Variants in CDK14 observed in about 807,000 individuals in gnomAD.
CDK14 encodes cyclin dependent kinase 14.
A neutral mutation model predicts 60.7 loss-of-function variants in CDK14; 34 were observed. The ratio of observed to expected loss-of-function variants is 0.56; its 90% CI spans 0.43 to 0.75. The LOEUF is 0.75. Ranked by LOEUF, CDK14 falls within the 30% of genes least tolerant of loss-of-function variation. The pLI is 0.00. For missense variants in CDK14, 482 were observed against 564.1 expected, an observed-to-expected ratio of 0.85 and a Z score of 1.47; for synonymous variants, 197 against 203.7, an observed-to-expected ratio of 0.97 and a Z score of 0.28.
Position 91,112,638 on chromosome 7 carries a change from G to A in CDK14, c.1251G>A (p.Glu417=). 3.1e-6 allele frequency: 5 copies of A among 1,613,722 alleles called. No individual in the cohort carries two copies. Among genetic ancestry groups the A allele is most frequent in the Non-Finnish European group, 4.2e-6 (5 of 1,179,844 alleles). The change falls in exon 13 of 15, where the codon GAG becomes GAA. Residue 417 remains glutamate (E), a synonymous_variant. Coordinates refer to ENST00000380050, the MANE Select transcript of CDK14 (RefSeq NM_001287135.2). ...RLSAQAALSH[E]YFSDLPPRLW... is the part of the protein sequence containing the mutation. ...CGGCACAGGCTGCCTTGAGCCACGA[G>A]TATTTTAGTGACCTGCCGCCACGGC...
intron 10 of CDK14, among the ~76,000 whole-genome samples, chr7:91,003,849 G>T (rs1795908629): frequency 6.6e-6 from 1 of 152,160 alleles, no homozygotes; most frequent in South Asian, 2.1e-4. Flanking sequence ...GATTATGGGG[G>T]CAGGCAGTAA....
chr7:90,853,892 A>G (rs1183088357), intron 5 of CDK14, among the ~76,000 whole-genome samples: 1 of 152,178 alleles, frequency 6.6e-6, no homozygotes, highest in Non-Finnish European at 1.5e-5. Flanking sequence ...GAAGCACTGC[A>G]TGATGAGCCT....
At chr7:91,043,662 C>T (rs1228074171) in intron 10 of CDK14, among the ~76,000 whole-genome samples, 18 of 152,176 alleles carry the variant, frequency 1.2e-4, no homozygotes, top group Admixed American at 1.2e-3. Context: ...TGCCTCCTTC[C>T]CCTTCGTCAT....
chr7:91,162,070 A>T (rs995932864), intron 14 of CDK14, among the ~76,000 whole-genome samples: 2 of 152,172 alleles, frequency 1.3e-5, no homozygotes, highest in African/African-American at 4.8e-5. Flanking sequence ...GTTATTTTTT[A>T]AAAACTAAGA....
chr7:91,149,775 A>C (rs932139796), intron 14 of CDK14, among the ~76,000 whole-genome samples: 1 of 152,230 alleles, frequency 6.6e-6, no homozygotes, highest in Non-Finnish European at 1.5e-5. Flanking sequence ...TAACTAGGCC[A>C]TATGGGTGTG....
At chr7:90,999,514 G>C (rs1464120365) in intron 10 of CDK14, among the ~76,000 whole-genome samples, 1 of 151,996 alleles carries the variant, frequency 6.6e-6, no homozygotes. Context: ...ACTTGAACCT[G>C]GGAGGCGGAG....
chr7:90,717,934 C>T (rs1426770398), intron 2 of CDK14, among the ~76,000 whole-genome samples: 1 of 151,644 alleles, frequency 6.6e-6, no homozygotes, highest in Non-Finnish European at 1.5e-5. Flanking sequence ...GACGGAGCTC[C>T]CCCCACCCCA....
chr7:91,125,121 A>C (rs1040231650), intron 14 of CDK14, among the ~76,000 whole-genome samples: 1 of 152,130 alleles, frequency 6.6e-6, no homozygotes, highest in Non-Finnish European at 1.5e-5. Context: ...GACAATGTCG[A>C]GAAGGAAAGG....
Position 90,962,103 on chromosome 7 carries a change from T to C in CDK14, c.947+6286T>C, listed in dbSNP as rs542435104. Among the ~76,000 whole-genome samples the C allele has an allele frequency of 2.6e-5, 4 of 152,356 alleles. No individual in the cohort carries two copies. The South Asian group carries it at 8.3e-4, about 32-fold the overall frequency. ...TAAGTACAGTTCTCTCATATTAGGT[T>C]ATTGTGGCATTTTAGAGTGGCTACT... is the stretch of plus-strand genomic sequence containing the variant. On this transcript the variant is annotated intron_variant, in intron 9 of 14. Coordinates refer to ENST00000380050, the MANE Select transcript of CDK14 (RefSeq NM_001287135.2).
Position 90,668,699 on chromosome 7 carries a change from C to CTTTTTTTTTTTTTT in CDK14, c.124-57854_124-57841dup, listed in dbSNP as rs59773768. ...TATGGTGTAAGGAAGGACTCGCATT[C>CTTTTTTTTTTTTTT]TTTTTTTTTTTTTTTTTTTTTTTTT... On this transcript the variant is annotated intron_variant, in intron 2 of 14. Transcript: ENST00000380050. 1.8e-4 allele frequency among the ~76,000 whole-genome samples: 16 copies of CTTTTTTTTTTTTTT among 87,536 alleles called. 4 individuals are homozygous for CTTTTTTTTTTTTTT. The highest frequency in any genetic ancestry group is 3.5e-4 in the African/African-American group (8 of 23,108). 57.4% of individuals were successfully genotyped at this position (87,536 alleles called of 152,430 possible).
At chr7:90,789,706 C>T (rs931447017) in intron 4 of CDK14, among the ~76,000 whole-genome samples, 2 of 152,042 alleles carry the variant, frequency 1.3e-5, no homozygotes, top group Non-Finnish European at 2.9e-5. Flanking sequence ...GATCCTGGAA[C>T]CAATCCACTG....
chr7:90,811,982 G>A, intron 5 of CDK14, among the ~76,000 whole-genome samples: 1 of 152,194 alleles, frequency 6.6e-6, no homozygotes, highest in Non-Finnish European at 1.5e-5. Context: ...TGCTGGAGAG[G>A]ATGTGGAGAA....
chr7:91,130,809 A>G (rs1309890184), intron 14 of CDK14, among the ~76,000 whole-genome samples: 1 of 152,152 alleles, frequency 6.6e-6, no homozygotes, highest in Admixed American at 6.6e-5. Flanking sequence ...TTTTATATGC[A>G]TCAAGTTTGA....
rs912757595 is a variant in CDK14 at position 90,710,488 on chromosome 7, C to G, written c.124-16079C>G. On this transcript the variant is annotated intron_variant, in intron 2 of 14. Transcript: ENST00000380050. ...ATATATTAGAGACCTGGGGCTTCCT[C>G]CCTGCTCATCCTATTTCCTTCCTTT... 2.6e-5 allele frequency: 26 copies of G among 985,126 alleles called. 1 individual carries two copies. In the South Asian group the frequency reaches 9.9e-4, roughly 37 times the overall value. 61.0% of individuals were successfully genotyped at this position (985,126 alleles called of 1,614,324 possible). A position where few individuals can be genotyped will look rare whatever the true frequency, so the allele number is the denominator to read the frequency against.
chr7:90,941,425 A>G (rs1048026802), intron 8 of CDK14, among the ~76,000 whole-genome samples: 1 of 151,824 alleles, frequency 6.6e-6, no homozygotes, highest in Admixed American at 6.6e-5. Context: ...GCTCCTCAAC[A>G]TGGGCCCTGG....
chr7:91,037,518 A>G (rs1796968132), intron 10 of CDK14, among the ~76,000 whole-genome samples: 1 of 152,150 alleles, frequency 6.6e-6, no homozygotes, highest in Non-Finnish European at 1.5e-5. Context: ...GGTCAGGTGG[A>G]TATGAATTGT....
chr7:91,083,985 A>C (rs1798555898), intron 12 of CDK14, among the ~76,000 whole-genome samples: 2 of 152,220 alleles, frequency 1.3e-5, no homozygotes, highest in Non-Finnish European at 2.9e-5. Context: ...GTTGTGATGG[A>C]ACTAACAGTT....
intron 14 of CDK14, 141 bp downstream of exon 14, chr7:91,118,349 A>C: frequency 2.0e-6 from 1 of 491,802 alleles, no homozygotes; most frequent in South Asian, 3.7e-5. Flanking sequence ...AGACCTATTG[A>C]GATAGAATGC....
At chr7:90,999,981 A>C (rs1229216054) in intron 10 of CDK14, among the ~76,000 whole-genome samples, 1 of 152,218 alleles carries the variant, frequency 6.6e-6, no homozygotes, top group African/African-American at 2.4e-5. Context: ...GGGCCATATG[A>C]AATAGTTTCG....
Sources: allele counts gnomAD v4.1 joint callset (sites outside exome capture counted in the v4.1 genomes callset), GRCh38; gene constraint gnomAD v4.1.1; transcripts MANE v1.5; gene names NCBI Gene and HGNC (gene_info 2026-07-23, HGNC 2026-07-21).